RBM18: variants seen among roughly 807,000 people sequenced by gnomAD.
RBM18 encodes probable RNA-binding protein 18.
A neutral mutation model predicts 26.4 loss-of-function variants in RBM18; 18 were observed. The observed-to-expected ratio is 0.68, with a 90% CI of 0.47 to 1.01. The LOEUF (loss-of-function observed/expected upper bound fraction) is 1.01. RBM18 is among the 50% of genes least tolerant of loss of function. The pLI is 0.00. For missense variants in RBM18, 180 were observed against 219.2 expected, an observed-to-expected ratio of 0.82 and a Z score of 1.13; for synonymous variants, 74 against 81.1, an observed-to-expected ratio of 0.91 and a Z score of 0.47.
intron 3 of RBM18, 76 bp downstream of exon 3, chr9:122,251,771 A>G: frequency 7.2e-7 from 1 of 1,381,926 alleles, no homozygotes; most frequent in Non-Finnish European, 1.0e-6. Flanking sequence ...CTGCTATTCT[A>G]GTAGGCAAGA....
intron 1 of RBM18, among the ~76,000 whole-genome samples, chr9:122,261,748 T>A (rs187162967): frequency 6.6e-6 from 1 of 152,288 alleles, no homozygotes; most frequent in African/African-American, 2.4e-5. Flanking sequence ...GTGGAGAAAC[T>A]AAAGTTTTCC....
chr9:122,248,663 T>C (rs1040023673), intron 3 of RBM18, among the ~76,000 whole-genome samples: 3 of 152,230 alleles, frequency 2.0e-5, no homozygotes, highest in Non-Finnish European at 4.4e-5. Context: ...ACAGTCACTC[T>C]AGGTCATTCC....
At chr9:122,252,192 C>T (rs1831615534) in intron 2 of RBM18, among the ~76,000 whole-genome samples, 1 of 152,166 alleles carries the variant, frequency 6.6e-6, no homozygotes. Flanking sequence ...ATGCATCTGT[C>T]CAACACAAAA....
At chr9:122,246,641 G>A (rs1444254869) in intron 4 of RBM18, among the ~76,000 whole-genome samples, 2 of 152,202 alleles carry the variant, frequency 1.3e-5, no homozygotes, top group Non-Finnish European at 2.9e-5. Flanking sequence ...TCTGAACTTA[G>A]TTTTTCAGCT....
Position 122,241,780 on chromosome 9 carries a change from T to C in RBM18, c.*104A>G. 1 of 919,126 alleles carries C rather than the reference T, an allele frequency of 1.1e-6. No homozygotes were observed. The highest frequency in any genetic ancestry group is 1.7e-6 in the Non-Finnish European group (1 of 598,978). The allele number at this position is 919,126 out of a possible 1,614,324, so 56.9% of individuals were successfully genotyped here. A position where few individuals can be genotyped will look rare whatever the true frequency, so the allele number is the denominator to read the frequency against. ...TATGTTACCAAATGCTAACATGTGA[T>C]TGTGCTCCGTTGAATAGTACCATTC... On this transcript the variant is annotated 3_prime_UTR_variant, in exon 6 of 6. Transcript: ENST00000417201.
At chr9:122,260,474 G>A (rs968329539) in intron 2 of RBM18, among the ~76,000 whole-genome samples, 3 of 152,194 alleles carry the variant, frequency 2.0e-5, no homozygotes, top group African/African-American at 7.2e-5. Flanking sequence ...TGGCAGAAGG[G>A]AAAAACCTCT....
rs777668021 is a variant in RBM18, at chr9:122,245,308, G to A, written c.361C>T (p.Pro121Ser). 1.2e-6 allele frequency: 2 copies of A among 1,610,372 alleles called. No homozygotes were observed. Among genetic ancestry groups the A allele is most frequent in the Non-Finnish European group, 1.7e-6 (2 of 1,176,656 alleles). ...CTTGAGGATGGCTCGAGACTGATTG[G>A]AAGAATCTTATCATTCTTGTTATGA... is the stretch of plus-strand genomic sequence containing the variant. ...YDHNKNDKIL[P>S]ISLEPSSSTE... The change falls in exon 5 of 6, where the codon CCA becomes TCA. Residue 121 changes from proline (P) to serine (S), a missense_variant. Coordinates refer to ENST00000417201, the MANE Select transcript of RBM18 (RefSeq NM_033117.4).
At chr9:122,259,989 C>G (rs867294331) in intron 2 of RBM18, among the ~76,000 whole-genome samples, 6 of 152,150 alleles carry the variant, frequency 3.9e-5, no homozygotes, top group Admixed American at 3.3e-4. Context: ...CCACTGTGCC[C>G]GGCCTCCCCT....
chr9:122,264,407 T>G (rs1564461853), intron 1 of RBM18, among the ~76,000 whole-genome samples: 2 of 152,224 alleles, frequency 1.3e-5, no homozygotes, highest in African/African-American at 4.8e-5. Flanking sequence ...CGGTTACATT[T>G]GTCTTTCCAG....
At chr9:122,262,424 A>C (rs1335575573) in intron 1 of RBM18, among the ~76,000 whole-genome samples, 1 of 131,886 alleles carries the variant, frequency 7.6e-6, no homozygotes, top group Non-Finnish European at 1.6e-5. Context: ...GAAGCATTCA[A>C]TTAATGTTAG....
chr9:122,238,332 A>T lies in RBM18; in HGVS notation c.*3552T>A, dbSNP rs1831360964. 1 of 152,256 alleles carries T rather than the reference A, an allele frequency of 6.6e-6. No individual in the cohort carries two copies. The highest frequency in any genetic ancestry group is 1.5e-5 in the Non-Finnish European group (1 of 68,048). The allele number at this position is 152,256 out of a possible 1,614,324, so 9.4% of individuals were successfully genotyped here. A position where few individuals can be genotyped will look rare whatever the true frequency, so the allele number is the denominator to read the frequency against. On this transcript the variant is annotated 3_prime_UTR_variant, in exon 6 of 6. Transcript: ENST00000417201. ...ACATTCCAATAAAAAGAGACAAAAA[A>T]AAATTTAGATATAATGTTGGTTAGC...
At chr9:122,242,602 T>C (rs1831438929) in intron 5 of RBM18, among the ~76,000 whole-genome samples, 1 of 151,962 alleles carries the variant, frequency 6.6e-6, no homozygotes, top group Middle Eastern at 3.4e-3. Context: ...TGCATGTTAA[T>C]AAAAACTATC....
At position 122,247,614 on chromosome 9, in the gene RBM18, A is replaced by C; in HGVS notation, c.241-10T>G. On this transcript the variant is annotated splice_polypyrimidine_tract_variant and intron_variant, in intron 3 of 5. Coordinates refer to ENST00000417201, the MANE Select transcript of RBM18 (RefSeq NM_033117.4). The stretch of plus-strand genomic sequence containing the variant: ...TGGCTTGCTCTGCTTCCTGTCCAGG[A>C]AAGGGACAAATGTTAGTTAAAAACT... 4 of 1,611,238 alleles carry C rather than the reference A, an allele frequency of 2.5e-6. No homozygotes were observed. Among genetic ancestry groups the C allele is most frequent in the Non-Finnish European group, 3.4e-6 (4 of 1,177,754 alleles).
chr9:122,261,329 C>T (rs377365627), intron 2 of RBM18, 51 bp downstream of exon 2: 2 of 1,314,852 alleles, frequency 1.5e-6, no homozygotes, highest in African/African-American at 2.9e-5. Flanking sequence ...ACATCATCAC[C>T]ACAAAACATC....
rs1051231655 is a variant in RBM18 at position 122,240,007 on chromosome 9, G to A, written c.*1877C>T. The A allele has an allele frequency of 2.6e-5, 4 of 152,122 alleles. No individual in the cohort carries two copies. The highest frequency in any genetic ancestry group is 9.7e-5 in the African/African-American group (4 of 41,410). 9.4% of individuals were successfully genotyped at this position (152,122 alleles called of 1,614,324 possible). The stretch of plus-strand genomic sequence containing the variant: ...TGAACGAGAGAAGATATAACCACAC[G>A]GACACCGTCTTACATTTATTCACAC... On this transcript the variant is annotated 3_prime_UTR_variant, in exon 6 of 6. Transcript: ENST00000417201.
intron 1 of RBM18, among the ~76,000 whole-genome samples, chr9:122,263,830 T>C (rs1831886273): frequency 6.6e-6 from 1 of 152,172 alleles, no homozygotes; most frequent in Non-Finnish European, 1.5e-5. Flanking sequence ...CTGGTAAGAG[T>C]GCAGGCTATG....
Position 122,241,797 on chromosome 9 carries a change from G to C in RBM18, c.*87C>G, listed in dbSNP as rs1366235215. 1.8e-6 allele frequency: 2 copies of C among 1,128,028 alleles called. No homozygotes were observed. The highest frequency in any genetic ancestry group is 2.6e-6 in the Non-Finnish European group (2 of 767,146). 69.9% of individuals were successfully genotyped at this position (1,128,028 alleles called of 1,614,324 possible). On this transcript the variant is annotated 3_prime_UTR_variant, in exon 6 of 6. Transcript: ENST00000417201. Reference sequence around the variant, plus strand: ...ACATGTGATTGTGCTCCGTTGAATAGTACCATTCACATCTACAAAGTACAC... The same window carrying C: ...ACATGTGATTGTGCTCCGTTGAATACTACCATTCACATCTACAAAGTACAC...
In RBM18 at chr9:122,240,285, AT is replaced by A. The variant is rs1831395192; in HGVS notation, c.*1598del. 1.3e-5 allele frequency: 2 copies of A among 152,354 alleles called. No individual in the cohort carries two copies. The highest frequency in any genetic ancestry group is 2.9e-5 in the Non-Finnish European group (2 of 68,040). The allele number at this position is 152,354 out of a possible 1,614,324, so 9.4% of individuals were successfully genotyped here. A position where few individuals can be genotyped will look rare whatever the true frequency, so the allele number is the denominator to read the frequency against. Reference sequence around the variant, plus strand: ...GATAATGCTCCTACCTCTCTGAACTATCCCCCAAATAGGAGGAGAGTTACTT... The same window carrying A: ...GATAATGCTCCTACCTCTCTGAACTACCCCCAAATAGGAGGAGAGTTACTT... On this transcript the variant is annotated 3_prime_UTR_variant, in exon 6 of 6. Transcript: ENST00000417201.
chr9:122,248,546 T>C (rs1197315578), intron 3 of RBM18, among the ~76,000 whole-genome samples: 1 of 152,230 alleles, frequency 6.6e-6, no homozygotes, highest in African/African-American at 2.4e-5. Context: ...GCAAGGTATC[T>C]GTGTGAGTCA....
Sources: allele counts gnomAD v4.1 joint callset (sites outside exome capture counted in the v4.1 genomes callset), GRCh38; gene constraint gnomAD v4.1.1; transcripts MANE v1.5; gene names NCBI Gene and HGNC (gene_info 2026-07-23, HGNC 2026-07-21).